Variants in ATG7 observed in about 807,000 individuals in gnomAD.
ATG7 encodes autophagy related 7.
In ATG7, 70 loss-of-function variants were observed where a neutral mutation model predicts 82.4. The observed-to-expected ratio is 0.85, with a 90% CI of 0.70 to 1.04. The LOEUF is 1.04. ATG7 is among the 50% of genes least tolerant of loss of function. The pLI is 0.00. For missense variants in ATG7, 792 were observed against 864.3 expected (o/e 0.92, Z 1.05); for synonymous variants, 287 against 313.0 (o/e 0.92, Z 0.88).
At chr3:11,476,365 G>A (rs966691232) in intron 20 of ATG7, among the ~76,000 whole-genome samples, 1 of 151,526 alleles carries the variant, frequency 6.6e-6, no homozygotes, top group Non-Finnish European at 1.5e-5. Flanking sequence ...CCGTGGATGC[G>A]TCAACAATGG....
At chr3:11,395,504 A>C (rs1344666437) in intron 19 of ATG7, among the ~76,000 whole-genome samples, 1 of 152,220 alleles carries the variant, frequency 6.6e-6, no homozygotes, top group Non-Finnish European at 1.5e-5. Flanking sequence ...GGATGGGGAA[A>C]AGACATTAAC....
At chr3:11,318,396 T>C (rs1224977503) in intron 9 of ATG7, among the ~76,000 whole-genome samples, 1 of 152,152 alleles carries the variant, frequency 6.6e-6, no homozygotes, top group Non-Finnish European at 1.5e-5. Context: ...GGAAGATAAG[T>C]TCAGAGAATT....
the ATG7 span, among the ~76,000 whole-genome samples, chr3:11,570,972 T>C: frequency 6.6e-6 from 1 of 152,176 alleles, no homozygotes; most frequent in African/African-American, 2.4e-5. Flanking sequence ...GCGTCACTCC[T>C]CTGTGCCAAT....
chr3:11,563,688 C>T, the ATG7 span, among the ~76,000 whole-genome samples: 3 of 152,350 alleles, frequency 2.0e-5, no homozygotes, highest in East Asian at 1.9e-4. Flanking sequence ...TAAAACTGAG[C>T]GTGCTGAGAA....
At chr3:11,333,236 A>T in intron 11 of ATG7, 143 bp downstream of exon 11, 1 of 1,126,332 alleles carries the variant, frequency 8.9e-7, no homozygotes, top group Admixed American at 3.7e-5. Flanking sequence ...GCAGACACCT[A>T]CTTCGAACAG....
chr3:11,338,485 A>G (rs1486966936), intron 11 of ATG7, among the ~76,000 whole-genome samples: 1 of 109,214 alleles, frequency 9.2e-6, no homozygotes, highest in Non-Finnish European at 2.3e-5. Flanking sequence ...TTTTTTCCCC[A>G]CAGAAAAACA....
Position 11,294,968 on chromosome 3 carries a change from C to T in ATG7, c.-10-3718C>T, listed in dbSNP as rs935585873. Among the ~76,000 whole-genome samples the T allele has an allele frequency of 8.5e-5, 13 of 152,066 alleles. 1 individual carries two copies. The highest frequency in any genetic ancestry group is 5.9e-4 in the Admixed American group (9 of 15,256). ...TCTCTCCTAAAAAACAAAAATTAGC[C>T]GGGCATGGTGGTGCACACCTGTAGT... On this transcript the variant is annotated intron_variant, in intron 3 of 20. Transcript: ENST00000693202.
intron 20 of ATG7, among the ~76,000 whole-genome samples, chr3:11,494,405 G>C (rs1333436037): frequency 6.6e-6 from 1 of 152,144 alleles, no homozygotes; most frequent in Admixed American, 6.5e-5. Flanking sequence ...TCTGAGAAGG[G>C]AACTCAGATT....
Position 11,383,996 on chromosome 3 carries a change from TC to T in ATG7, c.1956+3946del, listed in dbSNP as rs200428870. Among the ~76,000 whole-genome samples, 606 of 152,342 alleles carry T rather than the reference TC, an allele frequency of 4.0e-3. 18 individuals are homozygous for T. The highest frequency in any genetic ancestry group is 0.034 in the Admixed American group (521 of 15,306). On this transcript the variant is annotated intron_variant, in intron 19 of 20. Transcript: ENST00000693202. ...CTTCCTATCAAGATATTAGTGTTTT[TC>T]CATCACTCCAGAAAGTTCCCAGGTA...
At position 11,492,789 on chromosome 3, in the gene ATG7, A is replaced by G. The variant is rs1167679949; in HGVS notation, c.2080-62022A>G. On this transcript the variant is annotated intron_variant, in intron 20 of 20. Coordinates refer to ENST00000693202, the MANE Select transcript of ATG7 (RefSeq NM_001349232.2). The stretch of plus-strand genomic sequence containing the variant: ...TCGCACTCCACCCCTTGCGGGAGGG[A>G]GCATGTAGGCCAGCAAGTGCAGGAA... Among the ~76,000 whole-genome samples the G allele has an allele frequency of 3.3e-5, 5 of 152,300 alleles. No individual in the cohort carries two copies. In the East Asian group the frequency reaches 9.7e-4, roughly 29 times the overall value.
At chr3:11,517,811 C>T (rs2092326554) in intron 20 of ATG7, among the ~76,000 whole-genome samples, 1 of 152,236 alleles carries the variant, frequency 6.6e-6, no homozygotes, top group Non-Finnish European at 1.5e-5. Context: ...AGTTGAAGCA[C>T]AGGCTGGGGC....
intron 18 of ATG7, among the ~76,000 whole-genome samples, chr3:11,375,799 C>T (rs1230040191): frequency 2.0e-5 from 3 of 152,188 alleles, no homozygotes; most frequent in East Asian, 1.9e-4. Flanking sequence ...ACCTTGTGAT[C>T]CGGCCGCCTC....
chr3:11,379,831 T>C (rs373669866), intron 18 of ATG7, 141 bp from the exon 19 acceptor site: 28 of 761,134 alleles, frequency 3.7e-5, no homozygotes, highest in Non-Finnish European at 5.8e-5. Flanking sequence ...AAATACTCAT[T>C]TCGAACTTAT....
intron 20 of ATG7, among the ~76,000 whole-genome samples, chr3:11,475,140 A>G (rs2087999642): frequency 6.6e-6 from 1 of 151,984 alleles, no homozygotes; most frequent in African/African-American, 2.4e-5. Flanking sequence ...TTATATTGTT[A>G]TTGTTATTGA....
At chr3:11,347,817 G>A (rs1954785616) in intron 13 of ATG7, 60 bp from the exon 14 acceptor site, 1 of 1,517,796 alleles carries the variant, frequency 6.6e-7, no homozygotes, top group Non-Finnish European at 8.9e-7. Flanking sequence ...GAGATTTCAA[G>A]AGACAGCACC....
intron 1 of ATG7, among the ~76,000 whole-genome samples, chr3:11,279,150 C>T (rs1942520225): frequency 1.3e-5 from 2 of 152,160 alleles, no homozygotes; most frequent in Non-Finnish European, 1.5e-5. Context: ...CTTTCTCAAC[C>T]ATCAGGGGTG....
chr3:11,293,592 A>G (rs565588239), intron 3 of ATG7, among the ~76,000 whole-genome samples: 1 of 151,778 alleles, frequency 6.6e-6, no homozygotes, highest in East Asian at 1.9e-4. Flanking sequence ...TCACATCTGT[A>G]ATCCCAGCAC....
intron 1 of ATG7, chr3:11,277,420 G>A (rs1180685697): frequency 1.3e-5 from 2 of 152,278 alleles, no homozygotes; most frequent in Non-Finnish European, 2.9e-5. Context: ...ATATTTCAAG[G>A]TATGTTCTTT....
chr3:11,437,552 T>G lies in ATG7; in HGVS notation c.2079+10626T>G, dbSNP rs143933515. Among the ~76,000 whole-genome samples the G allele has an allele frequency of 6.7e-4, 102 of 152,284 alleles. 1 individual carries two copies. Among genetic ancestry groups the G allele is most frequent in the African/African-American group, 2.4e-3 (99 of 41,568 alleles). On this transcript the variant is annotated intron_variant, in intron 20 of 20. Transcript: ENST00000693202. ...CAACCTGGATCTGAATTTTTAAAAT[T>G]TCCCTGTTTACCACAGGATTTTTCC...
Sources: allele counts gnomAD v4.1 joint callset (sites outside exome capture counted in the v4.1 genomes callset), GRCh38; gene constraint gnomAD v4.1.1; transcripts MANE v1.5; gene names NCBI Gene and HGNC (gene_info 2026-07-23, HGNC 2026-07-21).